ATP8B4: variants seen among roughly 807,000 people sequenced by gnomAD.
ATP8B4 encodes probable phospholipid-transporting ATPase IM.
In ATP8B4, 133 loss-of-function variants were observed where a neutral mutation model predicts 145.6. That is an observed-to-expected ratio of 0.91 (90% CI 0.79 to 1.05). ATP8B4 has a LOEUF of 1.05. Ranked by LOEUF, ATP8B4 falls within the 50% of genes least tolerant of loss-of-function variation. The probability of loss-of-function intolerance (pLI) is 0.00; values close to 1 mark genes in which losing one functional copy is unlikely to be tolerated. For missense variants in ATP8B4, 1,458 were observed against 1,425.2 expected, an observed-to-expected ratio of 1.02 and a Z score of -0.37; for synonymous variants, 507 against 492.9, an observed-to-expected ratio of 1.03 and a Z score of -0.38.
At chr15:49,896,582 G>T (rs2037422272) in intron 23 of ATP8B4, 2 of 151,976 alleles carry the variant, frequency 1.3e-5, no homozygotes, top group African/African-American at 4.8e-5. Flanking sequence ...TTGTATTGTT[G>T]TTCAAAATGT....
chr15:49,899,756 A>G (rs1242904942), intron 21 of ATP8B4, among the ~76,000 whole-genome samples: 1 of 150,666 alleles, frequency 6.6e-6, no homozygotes, highest in Non-Finnish European at 1.5e-5. Flanking sequence ...ATCATGATTA[A>G]AAAAAAAAGA....
intron 20 of ATP8B4, 95 bp downstream of exon 20, chr15:49,916,839 A>C: frequency 8.7e-7 from 1 of 1,151,466 alleles, no homozygotes; most frequent in Non-Finnish European, 1.2e-6. Context: ...ACCACAGGAA[A>C]CTATAGCATA....
At chr15:50,014,964 C>T (rs540933957) in intron 6 of ATP8B4, among the ~76,000 whole-genome samples, 1 of 152,192 alleles carries the variant, frequency 6.6e-6, no homozygotes, top group Non-Finnish European at 1.5e-5. Flanking sequence ...TTATTTGTAG[C>T]AGAAATTGAT....
At chr15:50,138,910 G>A (rs2044169054) in intron 1 of ATP8B4, among the ~76,000 whole-genome samples, 2 of 152,142 alleles carry the variant, frequency 1.3e-5, no homozygotes, top group African/African-American at 4.8e-5. Flanking sequence ...GAAATTGTGT[G>A]AATAGATAAG....
intron 14 of ATP8B4, among the ~76,000 whole-genome samples, chr15:49,946,106 T>A (rs976449837): frequency 2.0e-5 from 3 of 152,144 alleles, no homozygotes; most frequent in Non-Finnish European, 4.4e-5. Context: ...AGGTGCACCA[T>A]TTTTTAAAAA....
intron 1 of ATP8B4, among the ~76,000 whole-genome samples, chr15:50,126,529 C>CAT (rs2057308632): frequency 1.3e-5 from 2 of 152,158 alleles, no homozygotes; most frequent in African/African-American, 2.4e-5. Flanking sequence ...AACTCAGGGT[C>CAT]ATATGTCAAG....
At chr15:49,870,023 T>G (rs935700708) in intron 25 of ATP8B4, among the ~76,000 whole-genome samples, 3 of 152,222 alleles carry the variant, frequency 2.0e-5, no homozygotes, top group African/African-American at 7.2e-5. Flanking sequence ...TTCTAGGAAC[T>G]TATCTGACAG....
chr15:49,859,762 T>C lies in ATP8B4; in HGVS notation c.*432A>G, dbSNP rs1347435781. The C allele has an allele frequency of 6.3e-6, 1 of 159,644 alleles. No homozygotes were observed. Among genetic ancestry groups the C allele is most frequent in the East Asian group, 1.8e-4 (1 of 5,408 alleles). The allele number at this position is 159,644 out of a possible 1,614,324, so 9.9% of individuals were successfully genotyped here. A position where few individuals can be genotyped will look rare whatever the true frequency, so the allele number is the denominator to read the frequency against. The stretch of plus-strand genomic sequence containing the variant: ...AAAAGTATACCTTGGGAAAGGCTGA[T>C]CTTACAGATACATGTTTATCTGTCA... On this transcript the variant is annotated 3_prime_UTR_variant, in exon 28 of 28. Coordinates refer to ENST00000284509, the MANE Select transcript of ATP8B4 (RefSeq NM_024837.4).
chr15:49,867,734 C>T (rs2033038829), intron 25 of ATP8B4, among the ~76,000 whole-genome samples: 1 of 152,088 alleles, frequency 6.6e-6, no homozygotes, highest in Non-Finnish European at 1.5e-5. Flanking sequence ...AAGAGACAGA[C>T]AAGCACGATA....
intron 5 of ATP8B4, among the ~76,000 whole-genome samples, chr15:50,042,361 T>C (rs1026217920): frequency 3.9e-5 from 6 of 152,212 alleles, no homozygotes; most frequent in African/African-American, 1.4e-4. Context: ...AAAAATTATA[T>C]GTAAGATAAC....
intron 26 of ATP8B4, among the ~76,000 whole-genome samples, chr15:49,866,069 T>C (rs1260125800): frequency 6.6e-6 from 1 of 152,228 alleles, no homozygotes; most frequent in Non-Finnish European, 1.5e-5. Flanking sequence ...CTAATGTATG[T>C]GCTATGCCTC....
At chr15:50,086,073 A>G (rs1231617380) in intron 2 of ATP8B4, among the ~76,000 whole-genome samples, 1 of 110,906 alleles carries the variant, frequency 9.0e-6, no homozygotes, top group Admixed American at 1.2e-4. Context: ...TATATATAAT[A>G]AATATAGAAC....
In ATP8B4 at chr15:49,859,424, T is replaced by A. The variant is rs2031230407; in HGVS notation, c.*770A>T. On this transcript the variant is annotated 3_prime_UTR_variant, in exon 28 of 28. Transcript: ENST00000284509. ...CTCAGCAAATTACTACTGAGGTTGTTAGAAAAGCCATTGAAAAGTATTTAG... is the reference window on the plus strand; with the variant it reads ...CTCAGCAAATTACTACTGAGGTTGTAAGAAAAGCCATTGAAAAGTATTTAG... 6.6e-6 allele frequency: 1 copy of A among 151,902 alleles called. No individual in the cohort carries two copies. The highest frequency in any genetic ancestry group is 6.6e-5 in the Admixed American group (1 of 15,238). The allele number at this position is 151,902 out of a possible 1,614,324, so 9.4% of individuals were successfully genotyped here. A position where few individuals can be genotyped will look rare whatever the true frequency, so the allele number is the denominator to read the frequency against.
chr15:50,003,312 G>GTGTGTGTGTGTGTGT (rs59851126), intron 7 of ATP8B4, among the ~76,000 whole-genome samples: 1 of 149,184 alleles, frequency 6.7e-6, no homozygotes, highest in South Asian at 2.1e-4. Context: ...GTGTGTGTGT[G>GTGTGTGTGTGTGTGT]GTTTTGTCTA....
intron 27 of ATP8B4, among the ~76,000 whole-genome samples, 176 bp from the exon 28 acceptor site, chr15:49,860,651 A>T (rs774963767): frequency 6.6e-6 from 1 of 152,166 alleles, no homozygotes; most frequent in East Asian, 1.9e-4. Context: ...CTGGGGGGGC[A>T]CTGGTCCATT....
At chr15:50,145,795 A>G (rs1175543718) in intron 1 of ATP8B4, among the ~76,000 whole-genome samples, 1 of 152,152 alleles carries the variant, frequency 6.6e-6, no homozygotes, top group Non-Finnish European at 1.5e-5. Context: ...TGTGCCCAGC[A>G]AGACAATATT....
intron 1 of ATP8B4, among the ~76,000 whole-genome samples, chr15:50,171,685 G>GA (rs751673461): frequency 1.3e-4 from 20 of 151,718 alleles, no homozygotes; most frequent in African/African-American, 4.1e-4. Context: ...AACCCCAGCA[G>GA]AAAAAATGAA....
At chr15:49,963,084 A>T (rs2044222707) in intron 13 of ATP8B4, among the ~76,000 whole-genome samples, 1 of 152,182 alleles carries the variant, frequency 6.6e-6, no homozygotes, top group East Asian at 1.9e-4. Flanking sequence ...AAAACCCGAC[A>T]ACCGCCATTA....
Position 49,979,812 on chromosome 15 carries a change from A to C in ATP8B4, c.839T>G (p.Ile280Ser), listed in dbSNP as rs1364495037. The part of the protein sequence containing the change: ...DRLMNTLVLW[I>S]FGFLICLGII... ...TCCCAAGCATATCAGAAACCCAAAA[A>C]TCTGAAATAAGATAGAAGTGTGGTT... Residue 280 changes from isoleucine to serine, a missense_variant and splice_region_variant, in exon 12 of 28, where the codon ATT becomes AGT. Physicochemically the swap from Ile to Ser is moderately radical, Grantham distance 142 (BLOSUM62 -2). Coordinates refer to ENST00000284509, the MANE Select transcript of ATP8B4 (RefSeq NM_024837.4). 6.4e-7 allele frequency: 1 copy of C among 1,574,504 alleles called. No homozygotes were observed. The highest frequency in any genetic ancestry group is 2.3e-5 in the East Asian group (1 of 44,440).
Sources: allele counts gnomAD v4.1 joint callset (sites outside exome capture counted in the v4.1 genomes callset), GRCh38; gene constraint gnomAD v4.1.1; transcripts MANE v1.5; gene names NCBI Gene and HGNC (gene_info 2026-07-23, HGNC 2026-07-21).